GNB1: variants seen among roughly 807,000 people sequenced by gnomAD.
The protein encoded by GNB1 is G protein subunit beta 1.
Under a neutral mutation model 42.9 loss-of-function variants are expected in GNB1, and 2 were observed. The ratio of observed to expected loss-of-function variants is 0.05; its 90% CI spans 0.02 to 0.15. The LOEUF is 0.15. Ranked by LOEUF, GNB1 falls within the 10% of genes least tolerant of loss-of-function variation. The pLI is 1.00. For synonymous variants in GNB1, 183 were observed against 174.7 expected, an observed-to-expected ratio of 1.05 and a Z score of -0.38; for missense variants, 193 against 462.2, an observed-to-expected ratio of 0.42 and a Z score of 5.34.
intron 1 of GNB1, among the ~76,000 whole-genome samples, chr1:1,858,286 TCATCTGTCG>T (rs1178401033): frequency 6.6e-6 from 1 of 152,228 alleles, no homozygotes; most frequent in African/African-American, 2.4e-5. Context: ...TGTTTTCAGT[TCATCTGTCG>T]CATCTGTCAA....
intron 9 of GNB1, 107 bp from the exon 10 acceptor site, chr1:1,789,376 C>G: frequency 1.4e-6 from 1 of 689,964 alleles, no homozygotes; most frequent in Non-Finnish European, 2.6e-6. Context: ...AGGCAAAGAC[C>G]AGCAAGACTG....
chr1:1,872,699 T>C (rs981628449), intron 1 of GNB1, among the ~76,000 whole-genome samples: 2 of 151,956 alleles, frequency 1.3e-5, no homozygotes, highest in African/African-American at 4.8e-5. Context: ...CCCTAAACAA[T>C]ACCCTAAACC....
intron 1 of GNB1, among the ~76,000 whole-genome samples, chr1:1,853,292 C>T (rs546922272): frequency 3.9e-5 from 6 of 152,186 alleles, no homozygotes; most frequent in East Asian, 1.9e-4. Flanking sequence ...TCTTCAAATA[C>T]TCCTCCTACG....
chr1:1,851,862 G>A (rs991142352), intron 1 of GNB1, among the ~76,000 whole-genome samples: 1 of 151,694 alleles, frequency 6.6e-6, no homozygotes, highest in Non-Finnish European at 1.5e-5. Context: ...TGACCAACAC[G>A]GAGAAACCCC....
chr1:1,863,064 C>A (rs754790103), intron 1 of GNB1, among the ~76,000 whole-genome samples: 16 of 152,202 alleles, frequency 1.1e-4, no homozygotes, highest in Non-Finnish European at 1.9e-4. Flanking sequence ...ACTGTGGACA[C>A]TGGGGTCATC....
chr1:1,792,701 A>AG (rs1187703828), intron 8 of GNB1, among the ~76,000 whole-genome samples: 1 of 151,544 alleles, frequency 6.6e-6, no homozygotes, highest in African/African-American at 2.4e-5. Flanking sequence ...TATCTCAAAA[A>AG]AAAAAAAAAA....
chr1:1,793,025 T>C (rs1028960929), intron 8 of GNB1, among the ~76,000 whole-genome samples: 5 of 151,866 alleles, frequency 3.3e-5, no homozygotes, highest in African/African-American at 1.2e-4. Context: ...GATTGAGCCA[T>C]TGTACTCCAG....
intron 1 of GNB1, among the ~76,000 whole-genome samples, chr1:1,854,799 G>C (rs181989650): frequency 6.6e-6 from 1 of 152,198 alleles, no homozygotes; most frequent in East Asian, 1.9e-4. Flanking sequence ...TTGGGAAGCC[G>C]AGGTGGATGG....
chr1:1,828,030 T>C (rs745594209), intron 2 of GNB1, among the ~76,000 whole-genome samples: 7 of 152,082 alleles, frequency 4.6e-5, no homozygotes, highest in Non-Finnish European at 7.4e-5. Flanking sequence ...GCTTCAAAAA[T>C]GATGTTCCGG....
At chr1:1,807,463 G>GGAAA (rs1369704288) in intron 5 of GNB1, among the ~76,000 whole-genome samples, 4 of 25,580 alleles carry the variant, frequency 1.6e-4, no homozygotes, top group African/African-American at 9.0e-4. Context: ...GATCCTGACT[G>GGAAA]AAAAAAAAAA....
chr1:1,876,540 A>T (rs1649558413), intron 1 of GNB1, among the ~76,000 whole-genome samples: 1 of 150,780 alleles, frequency 6.6e-6, no homozygotes, highest in African/African-American at 2.5e-5. Context: ...CACGTGCACG[A>T]GCCAGTGAGC....
chr1:1,788,911 A>G (rs1409043251), intron 10 of GNB1, 142 bp downstream of exon 10: 2 of 636,590 alleles, frequency 3.1e-6, no homozygotes, highest in Non-Finnish European at 5.6e-6. Flanking sequence ...CTGGGCCATC[A>G]GTTTGCGACT....
chr1:1,791,856 G>T (rs969434021), intron 8 of GNB1, among the ~76,000 whole-genome samples: 3 of 152,194 alleles, frequency 2.0e-5, no homozygotes, highest in Admixed American at 6.5e-5. Flanking sequence ...AATAAATAAA[G>T]TCTTCTCAAG....
chr1:1,807,463 GAAAAAAAAAAAAAAAAAAAAAAA>G (rs533616486), intron 5 of GNB1, among the ~76,000 whole-genome samples: 1 of 25,580 alleles, frequency 3.9e-5, no homozygotes, highest in African/African-American at 2.3e-4. Flanking sequence ...GATCCTGACT[GAAAAAAAAAAAAAAAAAAAAAAA>G]AAAAAAACAA....
rs375170093 is a variant in GNB1, at chr1:1,880,982, G to A, written c.-96+9838C>T. On this transcript the variant is annotated intron_variant, in intron 1 of 11. Coordinates refer to ENST00000378609, the MANE Select transcript of GNB1 (RefSeq NM_002074.5). ...AGATCAGAGCACACCCTCGGAGGAA[G>A]GGATACATGACAAATGCCTGAACGG... Among the ~76,000 whole-genome samples the A allele has an allele frequency of 8.6e-5, 13 of 151,294 alleles. 1 individual carries two copies. Among genetic ancestry groups the A allele is most frequent in the Admixed American group, 2.6e-4 (4 of 15,134 alleles).
intron 5 of GNB1, among the ~76,000 whole-genome samples, chr1:1,806,795 G>A (rs1285477205): frequency 6.6e-6 from 1 of 152,114 alleles, no homozygotes; most frequent in South Asian, 2.1e-4. Flanking sequence ...CCAGCATGGC[G>A]AAACCCTGTC....
At chr1:1,861,414 C>G (rs1648619508) in intron 1 of GNB1, among the ~76,000 whole-genome samples, 1 of 152,086 alleles carries the variant, frequency 6.6e-6, no homozygotes, top group Non-Finnish European at 1.5e-5. Flanking sequence ...CACCGCTGCA[C>G]TCCAGCCTGA....
intron 1 of GNB1, among the ~76,000 whole-genome samples, chr1:1,850,775 G>T (rs943382586): frequency 6.6e-6 from 1 of 151,928 alleles, no homozygotes; most frequent in Non-Finnish European, 1.5e-5. Context: ...ACAAGAAATC[G>T]CTTTTTTGTG....
chr1:1,792,991 G>A (rs868005778), intron 8 of GNB1, among the ~76,000 whole-genome samples: 12 of 151,856 alleles, frequency 7.9e-5, no homozygotes, highest in Non-Finnish European at 1.2e-4. Context: ...ATTTAAACCC[G>A]GCAGGCAGAT....
Sources: allele counts gnomAD v4.1 joint callset (sites outside exome capture counted in the v4.1 genomes callset), GRCh38; gene constraint gnomAD v4.1.1; transcripts MANE v1.5; gene names NCBI Gene and HGNC (gene_info 2026-07-23, HGNC 2026-07-21).